AGAP1: variants seen among roughly 807,000 people sequenced by gnomAD.
The protein encoded by AGAP1 is ArfGAP with GTPase domain, ankyrin repeat and PH domain 1, also known as arf-GAP with GTPase, ANK repeat and PH domain-containing protein 1.
In AGAP1, 29 loss-of-function variants were observed where a neutral mutation model predicts 105.3. The observed-to-expected ratio is 0.28, with a 90% CI of 0.21 to 0.38. The LOEUF (loss-of-function observed/expected upper bound fraction) is 0.38, where lower values mean the gene tolerates loss of function less well. AGAP1 is among the 10% of genes least tolerant of loss of function. The pLI is 1.00. For missense variants in AGAP1, 998 were observed against 1,165.1 expected, an observed-to-expected ratio of 0.86 and a Z score of 2.09; for synonymous variants, 509 against 485.9, an observed-to-expected ratio of 1.05 and a Z score of -0.63.
chr2:235,647,544 C>A (rs1947433172), intron 1 of AGAP1, among the ~76,000 whole-genome samples: 1 of 152,098 alleles, frequency 6.6e-6, no homozygotes, highest in Admixed American at 6.5e-5. Context: ...CACACCACCA[C>A]AGCCAGCTAA....
In AGAP1 at chr2:236,098,620, C is replaced by CTTTTTTTTTTTTTT. The variant is rs34419216; in HGVS notation, c.2115-21566_2115-21553dup. Among the ~76,000 whole-genome samples the CTTTTTTTTTTTTTT allele has an allele frequency of 4.5e-4, 52 of 115,212 alleles. 4 individuals are homozygous for CTTTTTTTTTTTTTT. Among genetic ancestry groups the CTTTTTTTTTTTTTT allele is most frequent in the African/African-American group, 1.9e-3 (48 of 25,766 alleles). 75.6% of individuals were successfully genotyped at this position (115,212 alleles called of 152,430 possible). A position where few individuals can be genotyped will look rare whatever the true frequency, so the allele number is the denominator to read the frequency against. On this transcript the variant is annotated intron_variant, in intron 16 of 17. Transcript: ENST00000304032. ...GCTGACTTGATGAAATCTTTTTTTC[C>CTTTTTTTTTTTTTT]TTTTTTTTTTTTTTTTTTTAGAGAA... is the stretch of plus-strand genomic sequence containing the variant.
intron 1 of AGAP1, among the ~76,000 whole-genome samples, chr2:235,684,190 C>T (rs372474807): frequency 2.9e-3 from 441 of 152,202 alleles, no homozygotes; most frequent in African/African-American, 9.4e-3. Context: ...TACAGGTGGC[C>T]GCCACCACGC....
intron 11 of AGAP1, among the ~76,000 whole-genome samples, chr2:235,910,016 CTCA>C (rs1298160513): frequency 1.7e-5 from 1 of 59,080 alleles, no homozygotes; most frequent in African/African-American, 5.9e-5. Flanking sequence ...GAGACTCTAT[CTCA>C]AAAAAAAAAA....
intron 6 of AGAP1, among the ~76,000 whole-genome samples, chr2:235,762,433 G>A (rs1343914122): frequency 7.2e-6 from 1 of 138,092 alleles, no homozygotes; most frequent in African/African-American, 2.6e-5. Flanking sequence ...GTTGGGTTCT[G>A]GAATCGGGTG....
chr2:236,122,395 G>A (rs1249552376), intron 17 of AGAP1, among the ~76,000 whole-genome samples: 1 of 152,216 alleles, frequency 6.6e-6, no homozygotes, highest in Non-Finnish European at 1.5e-5. Flanking sequence ...GTGGGAGCGG[G>A]GGACACAGTT....
At chr2:235,802,227 C>T (rs1237039663) in intron 8 of AGAP1, among the ~76,000 whole-genome samples, 1 of 152,176 alleles carries the variant, frequency 6.6e-6, no homozygotes, top group African/African-American at 2.4e-5. Flanking sequence ...GACCCTGTTG[C>T]TGCGGATTCA....
chr2:235,687,175 T>G (rs984540627), intron 1 of AGAP1, among the ~76,000 whole-genome samples: 1 of 152,178 alleles, frequency 6.6e-6, no homozygotes, highest in African/African-American at 2.4e-5. Flanking sequence ...AAGTAAACAT[T>G]GTTCTCAACA....
chr2:235,570,129 G>T (rs1419990461), intron 1 of AGAP1, among the ~76,000 whole-genome samples: 7 of 151,700 alleles, frequency 4.6e-5, no homozygotes, highest in African/African-American at 1.7e-4. Context: ...GAGTTCCCAG[G>T]CTTCCCCCTA....
chr2:235,920,451 GT>G (rs1004024439), intron 11 of AGAP1, among the ~76,000 whole-genome samples: 1 of 151,922 alleles, frequency 6.6e-6, no homozygotes, highest in Non-Finnish European at 1.5e-5. Context: ...CAGGGTTGTT[GT>G]TTTTTTTCTC....
chr2:235,790,670 C>G (rs916974114), intron 6 of AGAP1, among the ~76,000 whole-genome samples: 3 of 152,330 alleles, frequency 2.0e-5, no homozygotes, highest in East Asian at 3.9e-4. Flanking sequence ...TTGCCTGTTT[C>G]AGCATCTTCT....
intron 10 of AGAP1, among the ~76,000 whole-genome samples, chr2:235,903,476 A>C (rs1426868780): frequency 2.0e-5 from 3 of 152,230 alleles, no homozygotes; most frequent in Non-Finnish European, 4.4e-5. Flanking sequence ...CTGTGAACAC[A>C]TCAGCAAACC....
In AGAP1 at chr2:235,566,920, C is replaced by T. The variant is rs967528326; in HGVS notation, c.163+72071C>T. Among the ~76,000 whole-genome samples, 1 of 152,212 alleles carries T rather than the reference C, an allele frequency of 6.6e-6. No homozygotes were observed. Among genetic ancestry groups the T allele is most frequent in the Non-Finnish European group, 1.5e-5 (1 of 68,040 alleles). On this transcript the variant is annotated intron_variant, in intron 1 of 17. Transcript: ENST00000304032. The surrounding 1 kb of genome is among the most constrained non-coding windows in gnomAD (Gnocchi z 5.2). The stretch of plus-strand genomic sequence containing the variant: ...CTCCAGAGGATAGAGCAGGATTCCT[C>T]CTAGCCTTTTCCGGCCTCTGGTGGC...
rs73996690 is a variant in AGAP1, at chr2:235,983,386, C to A, written c.1645+14763C>A. ...CCTCCCATCACTTTCTACATTCTGGCCCCTTTTTCTCCTTTCCTTCTTTCT... is the reference window on the plus strand; with the variant it reads ...CCTCCCATCACTTTCTACATTCTGGACCCTTTTTCTCCTTTCCTTCTTTCT... On this transcript the variant is annotated intron_variant, in intron 13 of 17. Transcript: ENST00000304032. The surrounding 1 kb of genome is among the most constrained non-coding windows in gnomAD (Gnocchi z 4.5). Among the ~76,000 whole-genome samples, 1,175 of 152,282 alleles carry A rather than the reference C, an allele frequency of 7.7e-3. 19 individuals carry two copies. Among genetic ancestry groups the A allele is most frequent in the African/African-American group, 0.027 (1,111 of 41,566 alleles).
At chr2:235,816,914 C>A (rs1190922697) in intron 9 of AGAP1, among the ~76,000 whole-genome samples, 1 of 151,982 alleles carries the variant, frequency 6.6e-6, no homozygotes, top group Non-Finnish European at 1.5e-5. Flanking sequence ...CTACCAAGAC[C>A]AAGACTCCTA....
Position 236,038,341 on chromosome 2 carries a change from A to G in AGAP1, c.1800+1626A>G, listed in dbSNP as rs116015436. ...CACAGGTTCCTGCCTTCATGGAGAA[A>G]TCACAGTCTTTCACGGCAGACTCTG... On this transcript the variant is annotated intron_variant, in intron 14 of 17. Transcript: ENST00000304032. This position sits in a 1 kb window ranked among gnomAD's most constrained non-coding sequence, Gnocchi z 4.5. 7.7e-4 allele frequency among the ~76,000 whole-genome samples: 117 copies of G among 152,318 alleles called. No homozygotes were observed. The highest frequency in any genetic ancestry group is 2.6e-3 in the African/African-American group (110 of 41,564).
At chr2:235,657,528 G>A (rs974247171) in intron 1 of AGAP1, among the ~76,000 whole-genome samples, 2 of 152,056 alleles carry the variant, frequency 1.3e-5, no homozygotes, top group East Asian at 1.9e-4. Context: ...ACAGGCGCCC[G>A]CCACCACATC....
intron 9 of AGAP1, among the ~76,000 whole-genome samples, chr2:235,835,066 G>A (rs558199466): frequency 2.8e-4 from 43 of 152,286 alleles, no homozygotes; most frequent in Non-Finnish European, 4.6e-4. Flanking sequence ...CACCTCCCCC[G>A]TTCCCGATTC....
At chr2:235,780,867 G>T (rs192559261) in intron 6 of AGAP1, among the ~76,000 whole-genome samples, 471 of 152,266 alleles carry the variant, frequency 3.1e-3, no homozygotes, top group Non-Finnish European at 5.4e-3. Context: ...TATCTGCTGT[G>T]TAGCCTCTTC....
chr2:236,061,688 G>C lies in AGAP1; in HGVS notation c.2114+12407G>C, dbSNP rs1299123650. ...TGCAAAGTAGATTCCTGCTTGCCAG[G>C]TGCAGGGGAGGGAGGGGCAGTGGCG... On this transcript the variant is annotated intron_variant, in intron 16 of 17. Coordinates refer to ENST00000304032, the MANE Select transcript of AGAP1 (RefSeq NM_001037131.3). The surrounding 1 kb of genome is among the most constrained non-coding windows in gnomAD (Gnocchi z 4.1). 6.6e-6 allele frequency among the ~76,000 whole-genome samples: 1 copy of C among 152,124 alleles called. No homozygotes were observed. Among genetic ancestry groups the C allele is most frequent in the Non-Finnish European group, 1.5e-5 (1 of 68,022 alleles).
Sources: allele counts gnomAD v4.1 joint callset (sites outside exome capture counted in the v4.1 genomes callset), GRCh38; gene constraint gnomAD v4.1.1; non-coding constraint Gnocchi (gnomAD v3.1); transcripts MANE v1.5; gene names NCBI Gene and HGNC (gene_info 2026-07-23, HGNC 2026-07-21).